The following TMEM45A variants were observed in gnomAD, a reference collection of about 807,000 sequenced individuals.
TMEM45A encodes transmembrane protein 45A, also known as DNA polymerase-transactivated protein 4.
Under a neutral mutation model 32.0 loss-of-function variants are expected in TMEM45A, and 25 were observed. That is an observed-to-expected ratio of 0.78 (90% CI 0.57 to 1.09). The LOEUF (loss-of-function observed/expected upper bound fraction) is 1.09. Ranked by LOEUF, TMEM45A falls within the 50% of genes least tolerant of loss-of-function variation. The pLI is 0.00. For missense variants in TMEM45A, 302 were observed against 325.0 expected, an observed-to-expected ratio of 0.93 and a Z score of 0.54; for synonymous variants, 122 against 114.8, an observed-to-expected ratio of 1.06 and a Z score of -0.40.
chr3:100,576,814 G>C, intron 5 of TMEM45A, 111 bp from the exon 6 acceptor site: 1 of 848,126 alleles, frequency 1.2e-6, no homozygotes, highest in South Asian at 1.5e-5. Flanking sequence ...TTTTTGGGTT[G>C]CCTTCCCCAG....
In TMEM45A at chr3:100,512,938, C is replaced by G. The variant is rs1325422033; in HGVS notation, c.-4+20010C>G. On this transcript the variant is annotated intron_variant, in intron 1 of 5. Coordinates refer to ENST00000323523, the MANE Select transcript of TMEM45A (RefSeq NM_018004.3). ...AGACTAAACCAGGAAGAAGTTGAAT[C>G]TCTGAATAGACCAATAACAGGATCT... Among the ~76,000 whole-genome samples the G allele has an allele frequency of 9.9e-5, 15 of 151,564 alleles. No individual in the cohort carries two copies. In the South Asian group the frequency reaches 3.1e-3, roughly 32 times the overall value.
chr3:100,507,561 T>C (rs897492946), intron 1 of TMEM45A, among the ~76,000 whole-genome samples: 5 of 152,148 alleles, frequency 3.3e-5, no homozygotes, highest in Non-Finnish European at 7.4e-5. Context: ...CCTAGAAAGG[T>C]TTTCAATAAA....
At position 100,556,794 on chromosome 3, in the gene TMEM45A, C is replaced by T. The variant is rs1157171055; in HGVS notation, c.225C>T (p.Pro75=). 23 of 1,613,788 alleles carry T rather than the reference C, an allele frequency of 1.4e-5. No homozygotes were observed. Among genetic ancestry groups the T allele is most frequent in the Non-Finnish European group, 1.9e-5 (23 of 1,179,952 alleles). ...MAGEQFIPGG[P]HLMLYDYKQG... ...GGGAGCAGTTTATTCCTGGAGGGCC[C>T]CATCTGATGTTATATGACTATAAAC... Residue 75 remains proline, a synonymous_variant, in exon 3 of 6, where the codon CCC becomes CCT. Coordinates refer to ENST00000323523, the MANE Select transcript of TMEM45A (RefSeq NM_018004.3).
At chr3:100,566,653 C>T (rs1706446391) in intron 4 of TMEM45A, among the ~76,000 whole-genome samples, 2 of 152,078 alleles carry the variant, frequency 1.3e-5, no homozygotes, top group South Asian at 4.2e-4. Context: ...TCCATATCCT[C>T]ACCAATATTT....
intron 1 of TMEM45A, among the ~76,000 whole-genome samples, chr3:100,525,557 T>C (rs1478616863): frequency 1.3e-5 from 2 of 152,176 alleles, no homozygotes; most frequent in African/African-American, 4.8e-5. Context: ...GAAAGGAAAA[T>C]GAGAAGACCT....
intron 4 of TMEM45A, among the ~76,000 whole-genome samples, chr3:100,560,552 G>T (rs1706311831): frequency 6.6e-6 from 1 of 151,894 alleles, no homozygotes; most frequent in African/African-American, 2.4e-5. Context: ...TAATGTAATT[G>T]TTTTACGGTC....
In TMEM45A at chr3:100,555,217, G is replaced by A. The variant is rs1706190091; in HGVS notation, c.6G>A (p.Gly2=). The A allele has an allele frequency of 4.4e-6, 7 of 1,590,742 alleles. No homozygotes were observed. The highest frequency in any genetic ancestry group is 1.7e-4 in the Middle Eastern group (1 of 5,960). Residue 2 remains glycine, a synonymous_variant, in exon 2 of 6, where the codon GGG becomes GGA. Transcript: ENST00000323523. M[G]NFRGHALPGT... is the part of the protein sequence containing the mutation. Reference sequence around the variant, plus strand: ...TGTTCTTATATTTGTAGATCATGGGGAATTTCAGAGGTCATGCCCTCCCTG... The same window carrying A: ...TGTTCTTATATTTGTAGATCATGGGAAATTTCAGAGGTCATGCCCTCCCTG...
intron 1 of TMEM45A, among the ~76,000 whole-genome samples, chr3:100,513,498 G>A (rs1708204497): frequency 1.3e-5 from 2 of 150,606 alleles, no homozygotes; most frequent in Non-Finnish European, 2.9e-5. Flanking sequence ...AGCTATCTAT[G>A]ACAAACCCAC....
intron 1 of TMEM45A, among the ~76,000 whole-genome samples, chr3:100,509,395 T>C (rs78319800): frequency 2.0e-5 from 3 of 152,118 alleles, no homozygotes; most frequent in Admixed American, 6.6e-5. Context: ...AAAAAATAAA[T>C]GCAGAACTAC....
At chr3:100,493,442 A>T (rs1230068138) in intron 1 of TMEM45A, among the ~76,000 whole-genome samples, 1 of 151,990 alleles carries the variant, frequency 6.6e-6, no homozygotes, top group East Asian at 1.9e-4. Context: ...TTTTTCACTT[A>T]AATCTGGAGG....
chr3:100,572,830 T>C (rs1222739255), intron 5 of TMEM45A: 2 of 149,648 alleles, frequency 1.3e-5, no homozygotes, highest in South Asian at 2.1e-4. Flanking sequence ...GCTAGCCAGT[T>C]TTCCCAGCAC....
chr3:100,503,813 T>C (rs1708040895), intron 1 of TMEM45A, among the ~76,000 whole-genome samples: 1 of 152,232 alleles, frequency 6.6e-6, no homozygotes, highest in African/African-American at 2.4e-5. Context: ...TCCCATTTTA[T>C]TGATAAGCCC....
At chr3:100,569,264 T>C (rs1490552187) in intron 5 of TMEM45A, among the ~76,000 whole-genome samples, 3 of 152,228 alleles carry the variant, frequency 2.0e-5, no homozygotes, top group Non-Finnish European at 4.4e-5. Context: ...TTCTCTCTTC[T>C]GAATGGTTTC....
intron 1 of TMEM45A, among the ~76,000 whole-genome samples, chr3:100,554,635 A>C (rs1240881477): frequency 6.6e-6 from 1 of 152,232 alleles, no homozygotes; most frequent in East Asian, 1.9e-4. Flanking sequence ...TCTTCCATAC[A>C]CTTGATGCTT....
chr3:100,574,825 G>T (rs1183747687), intron 5 of TMEM45A, among the ~76,000 whole-genome samples: 2 of 152,082 alleles, frequency 1.3e-5, no homozygotes, highest in African/African-American at 4.8e-5. Context: ...TTAAATATAG[G>T]CTTCATTTGT....
Position 100,541,053 on chromosome 3 carries a change from G to T in TMEM45A, c.-3-14156G>T, listed in dbSNP as rs140713154. Among the ~76,000 whole-genome samples, 74 of 152,300 alleles carry T rather than the reference G, an allele frequency of 4.9e-4. 1 individual carries two copies. The highest frequency in any genetic ancestry group is 1.7e-3 in the African/African-American group (70 of 41,570). On this transcript the variant is annotated intron_variant, in intron 1 of 5. Transcript: ENST00000323523. ...TGAGATGGTATCTCATTATGGTTTT[G>T]ATTTGGATATCTCTGATGATTAGTG...
At chr3:100,499,169 C>A (rs1244074801) in intron 1 of TMEM45A, among the ~76,000 whole-genome samples, 1 of 152,164 alleles carries the variant, frequency 6.6e-6, no homozygotes, top group South Asian at 2.1e-4. Context: ...TTGGTAGTGT[C>A]TTTTGATGCA....
chr3:100,495,390 G>C (rs939621869), intron 1 of TMEM45A, among the ~76,000 whole-genome samples: 1 of 152,324 alleles, frequency 6.6e-6, no homozygotes, highest in East Asian at 1.9e-4. Context: ...GAGACCTTTT[G>C]CAGGGGCAAA....
chr3:100,496,281 G>T (rs536872240), intron 1 of TMEM45A, among the ~76,000 whole-genome samples: 1 of 152,304 alleles, frequency 6.6e-6, no homozygotes, highest in South Asian at 2.1e-4. Flanking sequence ...AATATTTTCT[G>T]ATCACTTAAT....
Sources: gnomAD v4.1 joint callset for allele counts (sites outside exome capture counted in the v4.1 genomes callset) on GRCh38, gnomAD v4.1.1 for gene constraint, MANE v1.5 for transcripts, NCBI Gene and HGNC (gene_info 2026-07-23, HGNC 2026-07-21) for gene names.